WDPCP: variants seen among roughly 807,000 people sequenced by gnomAD.
The protein encoded by WDPCP is WD repeat-containing and planar cell polarity effector protein fritz homolog.
In WDPCP, 71 loss-of-function variants were observed where a neutral mutation model predicts 93.1. The observed-to-expected ratio is 0.76, with a 90% CI of 0.63 to 0.93. WDPCP has a LOEUF of 0.93. WDPCP is among the 40% of genes least tolerant of loss of function. The pLI is 0.00. For missense variants in WDPCP, 844 were observed against 887.4 expected (o/e 0.95, Z 0.62); for synonymous variants, 315 against 315.0 (o/e 1.00, Z 0.00).
intron 17 of WDPCP, among the ~76,000 whole-genome samples, chr2:63,122,492 T>C (rs1429561952): frequency 6.6e-6 from 1 of 152,178 alleles, no homozygotes; most frequent in Non-Finnish European, 1.5e-5. Context: ...GTTTATAAAA[T>C]AGAAAAGATT....
chr2:63,735,863 C>T lies in WDPCP; in HGVS notation n.308+77759G>A, dbSNP rs147975167. ...GACTGACTGGTGACAATATCAGGCA[C>T]CTGTACCCAAAGATACACAGAAAAT... On this transcript the variant is annotated intron_variant and non_coding_transcript_variant, in intron 2 of 4. Transcript: ENST00000467687. Among the ~76,000 whole-genome samples, 627 of 152,296 alleles carry T rather than the reference C, an allele frequency of 4.1e-3. 3 individuals carry two copies. The highest frequency in any genetic ancestry group is 0.014 in the African/African-American group (587 of 41,568).
At chr2:63,439,920 T>G in intron 6 of WDPCP, 49 bp from the exon 7 acceptor site, 3 of 1,437,092 alleles carry the variant, frequency 2.1e-6, no homozygotes, top group East Asian at 4.5e-5. Flanking sequence ...TGCTGTGATT[T>G]AGAATCTTTA....
intron 3 of WDPCP, among the ~76,000 whole-genome samples, chr2:63,621,996 T>C (rs1244478664): frequency 6.6e-6 from 1 of 151,580 alleles, no homozygotes; most frequent in Non-Finnish European, 1.5e-5. Flanking sequence ...CATCTAGCAT[T>C]AGGTATATCT....
intron 12 of WDPCP, among the ~76,000 whole-genome samples, chr2:63,315,237 A>G (rs1686543874): frequency 6.6e-6 from 1 of 152,226 alleles, no homozygotes; most frequent in Admixed American, 6.5e-5. Flanking sequence ...AGAACTACTT[A>G]CAGGGCCATC....
At chr2:63,811,574 G>T (rs1237313568) in intron 2 of WDPCP, among the ~76,000 whole-genome samples, 1 of 151,306 alleles carries the variant, frequency 6.6e-6, no homozygotes, top group Non-Finnish European at 1.5e-5. Context: ...GTTGCCAAAT[G>T]AGAACAGAGC....
At chr2:63,382,808 T>C (rs1021472614) in intron 10 of WDPCP, among the ~76,000 whole-genome samples, 2 of 152,160 alleles carry the variant, frequency 1.3e-5, no homozygotes, top group East Asian at 3.8e-4. Context: ...CTCAACTTGA[T>C]AGGGAATCTG....
At chr2:63,367,766 G>A (rs1691032437) in intron 12 of WDPCP, among the ~76,000 whole-genome samples, 1 of 152,188 alleles carries the variant, frequency 6.6e-6, no homozygotes, top group African/African-American at 2.4e-5. Context: ...TGGCTGGGCA[G>A]TCTATGGATC....
At chr2:63,486,009 CAA>C (rs1299869129) in intron 4 of WDPCP, among the ~76,000 whole-genome samples, 1 of 151,478 alleles carries the variant, frequency 6.6e-6, no homozygotes, top group Admixed American at 6.6e-5. Context: ...ATTTAAAAAA[CAA>C]GAGAACAAAT....
intron 9 of WDPCP, among the ~76,000 whole-genome samples, chr2:63,405,532 A>AGTGTGTGTGTGTGTGTGTGTGG (rs1694498106): frequency 8.0e-6 from 1 of 124,928 alleles, no homozygotes; most frequent in African/African-American, 3.2e-5. Context: ...ATTTTGGTAT[A>AGTGTGTGTGTGTGTGTGTGTGG]GTGTGTGTGT....
chr2:63,688,809 G>T (rs72806094), intron 2 of WDPCP, among the ~76,000 whole-genome samples: 1 of 152,190 alleles, frequency 6.6e-6, no homozygotes, highest in South Asian at 2.1e-4. Context: ...GTTGAAATTT[G>T]ATTGCCAATA....
At chr2:63,162,233 T>C (rs1056002342) in intron 15 of WDPCP, among the ~76,000 whole-genome samples, 1 of 152,176 alleles carries the variant, frequency 6.6e-6, no homozygotes, top group African/African-American at 2.4e-5. Context: ...GACCATTTTT[T>C]TTTTCAAAAA....
intron 14 of WDPCP, among the ~76,000 whole-genome samples, chr2:63,207,882 A>C (rs1676464270): frequency 6.6e-6 from 1 of 152,080 alleles, no homozygotes. Context: ...TTTGCCTATC[A>C]TCTTTCTCTA....
chr2:63,142,923 TACACACACAC>T (rs1242494155), intron 17 of WDPCP, among the ~76,000 whole-genome samples: 48 of 105,806 alleles, frequency 4.5e-4, no homozygotes, highest in Admixed American at 1.9e-3. Context: ...CACATACATA[TACACACACAC>T]ACACACACAC....
intron 2 of WDPCP, among the ~76,000 whole-genome samples, chr2:63,738,263 C>A (rs1669665723): frequency 6.6e-6 from 1 of 152,050 alleles, no homozygotes; most frequent in African/African-American, 2.4e-5. Context: ...CCTTTTACAG[C>A]ATGACTCATG....
At chr2:63,145,156 G>A (rs774022874) in intron 17 of WDPCP, among the ~76,000 whole-genome samples, 11 of 152,168 alleles carry the variant, frequency 7.2e-5, no homozygotes, top group Non-Finnish European at 1.6e-4. Context: ...TTCCAGTGGA[G>A]ATGGCAGGGC....
chr2:63,493,545 T>A (rs1323450198), intron 1 of WDPCP, among the ~76,000 whole-genome samples: 1 of 151,608 alleles, frequency 6.6e-6, no homozygotes. Flanking sequence ...TTTTATTCTA[T>A]GGGGTTTTTT....
chr2:63,135,945 G>C (rs567463307), intron 17 of WDPCP, among the ~76,000 whole-genome samples: 37 of 152,214 alleles, frequency 2.4e-4, no homozygotes, highest in African/African-American at 7.9e-4. Context: ...TGTTGCCCAG[G>C]CTGGTTCAAA....
the WDPCP span, among the ~76,000 whole-genome samples, chr2:63,833,504 A>G: frequency 6.6e-6 from 1 of 152,226 alleles, no homozygotes; most frequent in Non-Finnish European, 1.5e-5. Flanking sequence ...AAAAACACCA[A>G]TAAATTAAAA....
intron 6 of WDPCP, among the ~76,000 whole-genome samples, chr2:63,452,074 G>A (rs1245215550): frequency 1.3e-5 from 2 of 152,174 alleles, no homozygotes; most frequent in African/African-American, 4.8e-5. Flanking sequence ...TCAACATAGT[G>A]TTGGAAGTTC....
Sources: allele counts gnomAD v4.1 joint callset (sites outside exome capture counted in the v4.1 genomes callset), GRCh38; gene constraint gnomAD v4.1.1; transcripts MANE v1.5; gene names NCBI Gene and HGNC (gene_info 2026-07-23, HGNC 2026-07-21).